Variants in CCDC7 observed in about 807,000 individuals in gnomAD.
CCDC7 encodes coiled-coil domain containing 7, also known as coiled-coil domain-containing protein 7.
In CCDC7, 183 loss-of-function variants were observed where a neutral mutation model predicts 196.9. The ratio of observed to expected loss-of-function variants is 0.93; its 90% CI spans 0.82 to 1.05. The LOEUF (loss-of-function observed/expected upper bound fraction) is 1.05, where lower values mean the gene tolerates loss of function less well. Among genes scored for constraint, CCDC7 ranks in the 50% least tolerant of loss-of-function variants. The pLI, the probability that CCDC7 is intolerant of heterozygous loss-of-function variation, is 0.00. For missense variants in CCDC7, 1,540 were observed against 1,482.2 expected (o/e 1.04, Z -0.64); for synonymous variants, 525 against 484.6 (o/e 1.08, Z -1.10).
At chr10:32,809,052 A>G (rs1044217454) in intron 30 of CCDC7, among the ~76,000 whole-genome samples, 72 of 152,146 alleles carry the variant, frequency 4.7e-4, no homozygotes, top group Non-Finnish European at 1.0e-4. Context: ...GCCCTATCCA[A>G]CCAACATCAT....
chr10:32,664,803 T>C (rs2072291019), intron 21 of CCDC7, among the ~76,000 whole-genome samples: 1 of 152,108 alleles, frequency 6.6e-6, no homozygotes, highest in African/African-American at 2.4e-5. Flanking sequence ...TTTTATATAC[T>C]GATTTCATAT....
At chr10:32,602,980 G>T (rs535315007) in intron 18 of CCDC7, among the ~76,000 whole-genome samples, 2 of 152,104 alleles carry the variant, frequency 1.3e-5, no homozygotes, top group South Asian at 2.1e-4. Flanking sequence ...CTTATTTTAT[G>T]GGCTATTTTG....
chr10:32,758,819 AGATGACAT>A (rs1467810323), intron 28 of CCDC7, among the ~76,000 whole-genome samples: 2 of 152,214 alleles, frequency 1.3e-5, no homozygotes, highest in Non-Finnish European at 2.9e-5. Flanking sequence ...CCCTGTTTGC[AGATGACAT>A]GATTGTATAT....
chr10:32,483,436 T>G, intron 8 of CCDC7, among the ~76,000 whole-genome samples: 1 of 152,224 alleles, frequency 6.6e-6, no homozygotes, highest in Non-Finnish European at 1.5e-5. Flanking sequence ...TTTCTCCCAT[T>G]CTGTAGGTTG....
intron 29 of CCDC7, among the ~76,000 whole-genome samples, chr10:32,781,257 CA>C (rs2081020642): frequency 6.6e-6 from 1 of 152,088 alleles, no homozygotes; most frequent in Non-Finnish European, 1.5e-5. Context: ...TAATCCTTCT[CA>C]AATTCTTTCA....
At chr10:32,715,796 A>T (rs1387081590) in intron 25 of CCDC7, among the ~76,000 whole-genome samples, 1 of 152,218 alleles carries the variant, frequency 6.6e-6, no homozygotes, top group Admixed American at 6.5e-5. Flanking sequence ...GGAAGAAAGG[A>T]TATCCAAGAT....
intron 36 of CCDC7, 23 bp downstream of exon 37, chr10:32,845,982 TC>T: frequency 6.5e-7 from 1 of 1,539,406 alleles, no homozygotes; most frequent in Non-Finnish European, 9.0e-7. Context: ...ATTTTTCAAG[TC>T]TAATATTTAG....
At chr10:32,692,241 T>G (rs941139945) in intron 23 of CCDC7, among the ~76,000 whole-genome samples, 1 of 152,180 alleles carries the variant, frequency 6.6e-6, no homozygotes, top group Non-Finnish European at 1.5e-5. Context: ...CTCCAACTTT[T>G]TTGAGCCCAT....
At position 32,543,286 on chromosome 10, in the gene CCDC7, G is replaced by T; in HGVS notation, c.994-14G>T. ...TTTTAACCCTTTATTTCTGGCTTAT[G>T]TAAAATTATACAGAAAACTAAGCCT... On this transcript the variant is annotated splice_polypyrimidine_tract_variant and intron_variant, in intron 11 of 41. Coordinates refer to ENST00000639629, the Ensembl canonical transcript of CCDC7. 2.9e-6 allele frequency: 4 copies of T among 1,377,114 alleles called. No homozygotes were observed. The highest frequency in any genetic ancestry group is 3.8e-6 in the Non-Finnish European group (4 of 1,042,710). 85.3% of individuals were successfully genotyped at this position (1,377,114 alleles called of 1,614,324 possible). A position where few individuals can be genotyped will look rare whatever the true frequency, so the allele number is the denominator to read the frequency against.
intron 28 of CCDC7, among the ~76,000 whole-genome samples, chr10:32,765,969 T>G (rs2078230246): frequency 6.6e-6 from 1 of 152,060 alleles, no homozygotes; most frequent in African/African-American, 2.4e-5. Flanking sequence ...GTATATCAGT[T>G]CTCCCACTCT....
At chr10:32,748,704 CT>C (rs752048190) in intron 28 of CCDC7, among the ~76,000 whole-genome samples, 7 of 152,162 alleles carry the variant, frequency 4.6e-5, no homozygotes, top group Non-Finnish European at 7.4e-5. Context: ...AGTTTTTTCC[CT>C]TCTTATGTGG....
chr10:32,737,520 C>G (rs950884918), intron 28 of CCDC7, among the ~76,000 whole-genome samples: 1 of 152,148 alleles, frequency 6.6e-6, no homozygotes, highest in Non-Finnish European at 1.5e-5. Context: ...ATGGAATAAT[C>G]TATAAGCATC....
chr10:32,713,973 G>C (rs1366968899), intron 25 of CCDC7, among the ~76,000 whole-genome samples: 1 of 152,202 alleles, frequency 6.6e-6, no homozygotes, highest in East Asian at 1.9e-4. Context: ...CTTATCATCT[G>C]TTCTTTTCAC....
intron 18 of CCDC7, among the ~76,000 whole-genome samples, chr10:32,598,018 A>G (rs1028245038): frequency 8.5e-5 from 13 of 152,076 alleles, no homozygotes; most frequent in African/African-American, 2.2e-4. Context: ...GAGAACCGCT[A>G]CTCTCTTCAA....
At chr10:32,638,535 T>C (rs1330688052) in intron 20 of CCDC7, among the ~76,000 whole-genome samples, 4 of 152,192 alleles carry the variant, frequency 2.6e-5, no homozygotes, top group East Asian at 1.9e-4. Flanking sequence ...ATTACATTTA[T>C]TGATTTGTGT....
chr10:32,726,156 C>T (rs148546751), intron 25 of CCDC7, among the ~76,000 whole-genome samples: 152 of 151,840 alleles, frequency 1.0e-3, no homozygotes, highest in African/African-American at 3.2e-3. Flanking sequence ...CAAAAGTTAC[C>T]GTACTAGATA....
At chr10:32,868,718 CT>C (rs1174213857) in intron 41 of CCDC7, among the ~76,000 whole-genome samples, 2 of 115,376 alleles carry the variant, frequency 1.7e-5, no homozygotes, top group East Asian at 6.5e-4. Context: ...TCCATCCCCC[CT>C]CCCCCCACCC....
At chr10:32,569,178 T>A (rs982559862) in intron 15 of CCDC7, among the ~76,000 whole-genome samples, 1 of 152,176 alleles carries the variant, frequency 6.6e-6, no homozygotes, top group Non-Finnish European at 1.5e-5. Flanking sequence ...ACATCTTATA[T>A]GCTAGGTTCT....
At chr10:32,661,766 C>A (rs1237423762) in intron 20 of CCDC7, among the ~76,000 whole-genome samples, 1 of 152,122 alleles carries the variant, frequency 6.6e-6, no homozygotes, top group African/African-American at 2.4e-5. Flanking sequence ...AAGATGAAAT[C>A]TTTTTTATTC....
Sources: allele counts gnomAD v4.1 joint callset (sites outside exome capture counted in the v4.1 genomes callset), GRCh38; gene constraint gnomAD v4.1.1; transcripts MANE v1.5; gene names NCBI Gene and HGNC (gene_info 2026-07-23, HGNC 2026-07-21).